BTBD8: variants seen among roughly 807,000 people sequenced by gnomAD.
BTBD8 encodes BTB/POZ domain-containing protein 8.
A neutral mutation model predicts 162.9 loss-of-function variants in BTBD8; 110 were observed. The ratio of observed to expected loss-of-function variants is 0.68; its 90% CI spans 0.58 to 0.79. The LOEUF (loss-of-function observed/expected upper bound fraction) is 0.79, where lower values mean the gene tolerates loss of function less well. Ranked by LOEUF, BTBD8 falls within the 30% of genes least tolerant of loss-of-function variation. The pLI, the probability that BTBD8 is intolerant of heterozygous loss-of-function variation, is 0.00. For synonymous variants in BTBD8, 667 were observed against 716.1 expected (o/e 0.93, Z 1.10); for missense variants, 1,905 against 2,085.4 (o/e 0.91, Z 1.68).
intron 1 of BTBD8, among the ~76,000 whole-genome samples, chr1:92,085,365 G>A (rs2101890378): frequency 6.6e-6 from 1 of 152,218 alleles, no homozygotes; most frequent in East Asian, 1.9e-4. Flanking sequence ...GCCAAGGCGA[G>A]CAGATCACTT....
chr1:92,117,231 A>G (rs1443918055), intron 4 of BTBD8, among the ~76,000 whole-genome samples: 5 of 151,766 alleles, frequency 3.3e-5, no homozygotes. Context: ...CCCTCTTTTA[A>G]TGTTCACATT....
intron 13 of BTBD8, among the ~76,000 whole-genome samples, chr1:92,171,769 G>A (rs1226183): frequency 0.72 from 109,932 of 152,128 alleles, 40,562 homozygotes; most frequent in East Asian, 0.97. Flanking sequence ...TTCAATGTCT[G>A]TTTTTCTAAT....
intron 9 of BTBD8, among the ~76,000 whole-genome samples, chr1:92,163,770 G>A (rs1001920037): frequency 6.6e-6 from 1 of 151,978 alleles, no homozygotes; most frequent in Admixed American, 6.5e-5. Flanking sequence ...TTTGAATCTC[G>A]AGGTACTCTA....
chr1:92,160,743 G>A (rs1650256627), intron 9 of BTBD8, among the ~76,000 whole-genome samples: 1 of 152,058 alleles, frequency 6.6e-6, no homozygotes, highest in Admixed American at 6.6e-5. Flanking sequence ...CAAGTGAAGG[G>A]GTTCTGGCAA....
rs1240152215 is a variant in BTBD8 at position 92,176,860 on chromosome 1, T to C, written c.1667T>C (p.Ile556Thr). 1 of 1,467,426 alleles carries C rather than the reference T, an allele frequency of 6.8e-7. No individual in the cohort carries two copies. Among genetic ancestry groups the C allele is most frequent in the East Asian group, 2.5e-5 (1 of 39,876 alleles). 90.9% of individuals were successfully genotyped at this position (1,467,426 alleles called of 1,614,324 possible). A position where few individuals can be genotyped will look rare whatever the true frequency, so the allele number is the denominator to read the frequency against. ...QRKQVSDSGD[I>T]KIKSWRGNNK... ...AAACAAGTTTCTGACTCTGGTGATA[T>C]AAAAATCAAATCTTGGAGGGGAAAT... Residue 556 changes from isoleucine to threonine, a missense_variant, in exon 14 of 18, where the codon ATA (isoleucine) becomes ACA (threonine). Ile to Thr is a moderately conservative substitution (Grantham distance 89). Transcript: ENST00000636805.
intron 4 of BTBD8, among the ~76,000 whole-genome samples, chr1:92,123,039 G>T (rs1398668742): frequency 6.6e-6 from 1 of 152,194 alleles, no homozygotes; most frequent in Non-Finnish European, 1.5e-5. Flanking sequence ...TGTGAGGCAA[G>T]TGTCAAGTTT....
intron 9 of BTBD8, among the ~76,000 whole-genome samples, chr1:92,160,989 C>CT (rs759646952): frequency 2.5e-4 from 38 of 152,320 alleles, no homozygotes; most frequent in Admixed American, 1.5e-3. Context: ...TGGTCTAACT[C>CT]TTTCCTTCCC....
At chr1:92,125,506 G>C (rs1649331985) in intron 4 of BTBD8, 1 of 313,698 alleles carries the variant, frequency 3.2e-6, no homozygotes, top group African/African-American at 2.2e-5. Context: ...TTCACAATCT[G>C]CAGGAAGCAG....
intron 2 of BTBD8, among the ~76,000 whole-genome samples, chr1:92,099,420 C>CA (rs553933303): frequency 0.024 from 2,284 of 96,048 alleles, 48 homozygotes; most frequent in African/African-American, 0.065. Context: ...TCAATTTCTG[C>CA]AAAAAAAAAA....
chr1:92,144,144 T>G (rs1273316483), intron 7 of BTBD8, among the ~76,000 whole-genome samples: 1 of 151,216 alleles, frequency 6.6e-6, no homozygotes, highest in African/African-American at 2.4e-5. Flanking sequence ...TGGCTAATTT[T>G]TGTATTTTTA....
At chr1:92,133,417 G>C (rs185805770) in intron 5 of BTBD8, among the ~76,000 whole-genome samples, 2 of 152,166 alleles carry the variant, frequency 1.3e-5, no homozygotes, top group Admixed American at 6.5e-5. Context: ...GAGAGAAAAG[G>C]GTTCAAGTGA....
At chr1:92,171,808 A>G (rs1650553600) in intron 13 of BTBD8, among the ~76,000 whole-genome samples, 1 of 152,138 alleles carries the variant, frequency 6.6e-6, no homozygotes, top group African/African-American at 2.4e-5. Context: ...AGAAGATTTT[A>G]GGCTAGGCAT....
In BTBD8 at chr1:92,166,882, AG is replaced by A. The variant is rs1482399784; in HGVS notation, c.1123-75del. On this transcript the variant is annotated intron_variant, in intron 9 of 17. Transcript: ENST00000636805. ...GCAGGAAACATCCCATAACAACAAA[AG>A]TATTTGATTTGCTTAGAGAGTTATT... The A allele has an allele frequency of 2.7e-5, 37 of 1,392,914 alleles. No individual in the cohort carries two copies. The Admixed American group carries it at 4.2e-4, about 16-fold the overall frequency. 86.3% of individuals were successfully genotyped at this position (1,392,914 alleles called of 1,614,324 possible). A position where few individuals can be genotyped will look rare whatever the true frequency, so the allele number is the denominator to read the frequency against.
chr1:92,089,133 G>A (rs1648233407), intron 2 of BTBD8, among the ~76,000 whole-genome samples: 1 of 152,046 alleles, frequency 6.6e-6, no homozygotes, highest in African/African-American at 2.4e-5. Context: ...ACTGGTAGAG[G>A]CTAAGCATTA....
At chr1:92,122,336 G>A (rs1649232142) in intron 4 of BTBD8, among the ~76,000 whole-genome samples, 1 of 150,078 alleles carries the variant, frequency 6.7e-6, no homozygotes, top group Non-Finnish European at 1.5e-5. Context: ...TCGGCTCACT[G>A]CAACCTCCGC....
intron 13 of BTBD8, 97 bp downstream of exon 13, chr1:92,171,557 CATTAAT>C: frequency 1.4e-6 from 1 of 736,372 alleles, no homozygotes; most frequent in Non-Finnish European, 2.0e-6. Flanking sequence ...AAAATCTATT[CATTAAT>C]TGAAGCTATT....
intron 9 of BTBD8, among the ~76,000 whole-genome samples, chr1:92,157,984 A>T (rs1032495455): frequency 3.9e-5 from 6 of 152,144 alleles, no homozygotes; most frequent in Admixed American, 3.3e-4. Context: ...TTCTTTTATC[A>T]TTACATAATG....
chr1:92,093,128 A>C (rs1648358891), intron 2 of BTBD8, among the ~76,000 whole-genome samples: 1 of 152,080 alleles, frequency 6.6e-6, no homozygotes, highest in Non-Finnish European at 1.5e-5. Context: ...ACAACTTAGA[A>C]AATCACTATC....
chr1:92,164,964 A>T lies in BTBD8; in HGVS notation c.1123-1994A>T, dbSNP rs188117103. 3.6e-4 allele frequency among the ~76,000 whole-genome samples: 55 copies of T among 151,484 alleles called. 1 individual carries two copies. The highest frequency in any genetic ancestry group is 2.0e-3 in the East Asian group (10 of 5,104). ...ACCTCACCTGGCCAGTACTTTTTTTAAAAAAAATTAGCTGGGTGTGGTAGC... is the reference window on the plus strand; with the variant it reads ...ACCTCACCTGGCCAGTACTTTTTTTTAAAAAAATTAGCTGGGTGTGGTAGC... On this transcript the variant is annotated intron_variant, in intron 9 of 17. Coordinates refer to ENST00000636805, the MANE Select transcript of BTBD8 (RefSeq NM_001376131.1).
Sources: allele counts gnomAD v4.1 joint callset (sites outside exome capture counted in the v4.1 genomes callset), GRCh38; gene constraint gnomAD v4.1.1; transcripts MANE v1.5; gene names NCBI Gene and HGNC (gene_info 2026-07-23, HGNC 2026-07-21).